ANK2: variants seen among roughly 807,000 people sequenced by gnomAD.
ANK2 encodes the protein ankyrin 2.
A neutral mutation model predicts 360.5 loss-of-function variants in ANK2; 83 were observed. That is an observed-to-expected ratio of 0.23 (90% confidence interval 0.19 to 0.28). The LOEUF is 0.28. Among genes scored for constraint, ANK2 ranks in the 10% least tolerant of loss-of-function variants. ANK2 has a pLI of 1.00. For missense variants in ANK2, 4,201 were observed against 4,795.7 expected (o/e 0.88, Z 3.66); for synonymous variants, 1,740 against 1,759.5 (o/e 0.99, Z 0.28).
At chr4:112,714,523 T>G in the ANK2 span, among the ~76,000 whole-genome samples, 1 of 152,326 alleles carries the variant, frequency 6.6e-6, no homozygotes, top group East Asian at 1.9e-4. Context: ...AAACATCATA[T>G]GAAGCTACAA....
the ANK2 span, among the ~76,000 whole-genome samples, chr4:112,803,956 T>A: frequency 1.3e-5 from 2 of 151,924 alleles, no homozygotes; most frequent in Non-Finnish European, 2.9e-5. Flanking sequence ...AATAGTATAA[T>A]GAAGCCCCTT....
chr4:113,357,848 G>C lies in ANK2; in HGVS notation c.9230G>C (p.Gly3077Ala). 1 of 1,613,988 alleles carries C rather than the reference G, an allele frequency of 6.2e-7. No homozygotes were observed. The highest frequency in any genetic ancestry group is 8.5e-7 in the Non-Finnish European group (1 of 1,179,954). Residue 3077 changes from glycine to alanine, a missense_variant, in exon 38 of 46, where the codon GGT becomes GCT. This residue lies in a region of ANK2 where 2,642 missense variants were observed against 2,714.5 expected (regional missense o/e 0.97). Coordinates refer to ENST00000357077, the MANE Select transcript of ANK2 (RefSeq NM_001148.6). ...FGLMVDRQSQ[G>A]TTPDTTPART... is the part of the protein sequence containing the mutation. ...TTGATGGTAGACAGACAATCACAGG[G>C]TACCACCCCTGACACCACTCCTGCT... is the stretch of plus-strand genomic sequence containing the variant.
intron 1 of ANK2, among the ~76,000 whole-genome samples, chr4:112,820,954 C>T (rs1418239707): frequency 6.6e-6 from 1 of 152,124 alleles, no homozygotes; most frequent in Non-Finnish European, 1.5e-5. Flanking sequence ...TCTTGTTGCC[C>T]AGGCTGGAGT....
At chr4:113,242,527 C>A (rs1021539097) in intron 9 of ANK2, among the ~76,000 whole-genome samples, 3 of 152,126 alleles carry the variant, frequency 2.0e-5, no homozygotes, top group African/African-American at 7.2e-5. Flanking sequence ...TTATAAGTAT[C>A]AAGAACCCAA....
chr4:113,332,536 A>G (rs978336765), intron 28 of ANK2, among the ~76,000 whole-genome samples: 1 of 152,260 alleles, frequency 6.6e-6, no homozygotes, highest in African/African-American at 2.4e-5. Flanking sequence ...CACTGTGTAC[A>G]CATGCCTATT....
chr4:113,059,304 C>T (rs2071880049), intron 1 of ANK2, among the ~76,000 whole-genome samples: 1 of 152,140 alleles, frequency 6.6e-6, no homozygotes, highest in Non-Finnish European at 1.5e-5. Context: ...AAAGTTGACA[C>T]AGTAAATACT....
intron 1 of ANK2, among the ~76,000 whole-genome samples, chr4:113,127,860 G>A (rs2154375668): frequency 6.6e-6 from 1 of 152,114 alleles, no homozygotes. Context: ...GCTTGGATTG[G>A]AATGGTCATA....
At chr4:112,725,577 C>A in the ANK2 span, among the ~76,000 whole-genome samples, 10 of 151,924 alleles carry the variant, frequency 6.6e-5, no homozygotes, top group Admixed American at 6.5e-4. Context: ...CTAGGCTGGT[C>A]TTGAACTCCT....
At chr4:113,109,893 A>C (rs1207228912) in intron 1 of ANK2, among the ~76,000 whole-genome samples, 3 of 152,182 alleles carry the variant, frequency 2.0e-5, no homozygotes, top group African/African-American at 7.2e-5. Context: ...TATAAAGACC[A>C]TGTCACACAA....
chr4:113,259,244 T>G (rs1012689113), intron 13 of ANK2, among the ~76,000 whole-genome samples: 1 of 152,096 alleles, frequency 6.6e-6, no homozygotes, highest in African/African-American at 2.4e-5. Flanking sequence ...CAGGCATGTA[T>G]TTGAAGTTCA....
At chr4:112,880,785 T>G (rs1033847187) in intron 1 of ANK2, 30 of 152,222 alleles carry the variant, frequency 2.0e-4, no homozygotes, top group African/African-American at 6.8e-4. Context: ...GTTGGTAACT[T>G]CCTTATAAAT....
intron 4 of ANK2, among the ~76,000 whole-genome samples, chr4:113,221,155 G>T (rs1216932330): frequency 6.6e-6 from 1 of 152,194 alleles, no homozygotes; most frequent in South Asian, 2.1e-4. Flanking sequence ...CTGCAGACAG[G>T]AAAATGCAAA....
chr4:113,084,763 T>A (rs1175134096), intron 1 of ANK2, among the ~76,000 whole-genome samples: 1 of 152,226 alleles, frequency 6.6e-6, no homozygotes, highest in Non-Finnish European at 1.5e-5. Context: ...TTGTATTTAG[T>A]GATTATGACA....
chr4:112,813,988 T>C (rs2055473344), upstream of ANK2, among the ~76,000 whole-genome samples: 7 of 152,196 alleles, frequency 4.6e-5, no homozygotes, highest in South Asian at 1.4e-3. Flanking sequence ...TAAAGCTGTG[T>C]GGTTGAAGTG....
chr4:113,234,961 G>A (rs362461), intron 5 of ANK2, among the ~76,000 whole-genome samples: 110,561 of 152,022 alleles, frequency 0.73, 40,595 homozygotes, highest in South Asian at 0.79. Context: ...TGAAATCTAC[G>A]TGGTGAAGAT....
chr4:113,086,397 C>T (rs2084781186), intron 1 of ANK2, among the ~76,000 whole-genome samples: 1 of 152,138 alleles, frequency 6.6e-6, no homozygotes, highest in South Asian at 2.1e-4. Context: ...TATTTATATT[C>T]ATAGATTTTT....
At chr4:112,909,005 C>T (rs567697981) in intron 2 of ANK2, among the ~76,000 whole-genome samples, 1 of 152,270 alleles carries the variant, frequency 6.6e-6, no homozygotes, top group Non-Finnish European at 1.5e-5. Flanking sequence ...AATTTTGTCT[C>T]AAGTTTTTAA....
intron 2 of ANK2, among the ~76,000 whole-genome samples, chr4:112,912,983 A>T (rs1453866083): frequency 5.3e-5 from 8 of 152,258 alleles, no homozygotes; most frequent in South Asian, 2.1e-4. Context: ...AAATCTGCTG[A>T]AGTCTCTAAG....
At chr4:112,967,237 G>A (rs1407808251) in intron 2 of ANK2, among the ~76,000 whole-genome samples, 2 of 152,198 alleles carry the variant, frequency 1.3e-5, no homozygotes, top group Non-Finnish European at 2.9e-5. Flanking sequence ...CCCTTGGCAG[G>A]CATAAAGACT....
Sources: allele counts gnomAD v4.1 joint callset (sites outside exome capture counted in the v4.1 genomes callset), GRCh38; gene constraint gnomAD v4.1.1; regional missense constraint gnomAD v4.1.1; transcripts MANE v1.5; gene names NCBI Gene and HGNC (gene_info 2026-07-23, HGNC 2026-07-21).